The following FOXP2 variants were observed in gnomAD, a reference collection of about 807,000 sequenced individuals.
The protein encoded by FOXP2 is forkhead box P2, also known as forkhead box protein P2.
A neutral mutation model predicts 115.8 loss-of-function variants in FOXP2; 12 were observed. The observed-to-expected ratio is 0.10, with a 90% CI of 0.07 to 0.17. The LOEUF (loss-of-function observed/expected upper bound fraction) is 0.17. FOXP2 is among the 10% of genes least tolerant of loss of function. The probability of loss-of-function intolerance (pLI) is 1.00; values close to 1 mark genes in which losing one functional copy is unlikely to be tolerated. For missense variants in FOXP2, 629 were observed against 843.5 expected (o/e 0.75, Z 3.15); for synonymous variants, 328 against 297.7 (o/e 1.10, Z -1.05).
At chr7:114,164,586 C>T (rs548292413) in intron 1 of FOXP2, among the ~76,000 whole-genome samples, 10 of 152,040 alleles carry the variant, frequency 6.6e-5, no homozygotes, top group East Asian at 5.8e-4. Context: ...GTGATCCGCC[C>T]GCCTCAGCCT....
chr7:114,462,691 A>G (rs1795632955), intron 2 of FOXP2, among the ~76,000 whole-genome samples: 1 of 152,118 alleles, frequency 6.6e-6, no homozygotes, highest in Non-Finnish European at 1.5e-5. Context: ...GTATCTTTTC[A>G]CATCATAGTC....
At chr7:114,573,939 A>G (rs1022299999) in intron 3 of FOXP2, among the ~76,000 whole-genome samples, 4 of 151,770 alleles carry the variant, frequency 2.6e-5, no homozygotes, top group African/African-American at 7.2e-5. Flanking sequence ...AATTGTATCA[A>G]TTTACTAGCA....
At chr7:114,457,340 A>C (rs1795354063) in intron 2 of FOXP2, among the ~76,000 whole-genome samples, 1 of 152,134 alleles carries the variant, frequency 6.6e-6, no homozygotes, top group Non-Finnish European at 1.5e-5. Flanking sequence ...ATTTCTTTAA[A>C]ATTTAACCAT....
At chr7:114,222,024 A>G (rs1347771897) in intron 1 of FOXP2, among the ~76,000 whole-genome samples, 3 of 152,160 alleles carry the variant, frequency 2.0e-5, no homozygotes, top group Non-Finnish European at 4.4e-5. Context: ...CTGCTTACCC[A>G]TGTGTACCAG....
At chr7:114,269,042 T>G (rs1034599537) in intron 1 of FOXP2, among the ~76,000 whole-genome samples, 47 of 152,324 alleles carry the variant, frequency 3.1e-4, no homozygotes, top group Admixed American at 1.5e-3. Context: ...GACATTTTCT[T>G]TGTTTCACCT....
chr7:114,585,440 A>G (rs540108559), intron 3 of FOXP2, among the ~76,000 whole-genome samples: 2 of 152,254 alleles, frequency 1.3e-5, no homozygotes, highest in South Asian at 2.1e-4. Flanking sequence ...TCCTGGGAAT[A>G]TCTTAGAAAT....
chr7:114,245,050 C>T (rs1562833452), intron 1 of FOXP2, among the ~76,000 whole-genome samples: 1 of 152,224 alleles, frequency 6.6e-6, no homozygotes, highest in African/African-American at 2.4e-5. Flanking sequence ...GCGCGAGCCA[C>T]CGCGCCCGGC....
intron 2 of FOXP2, chr7:114,498,779 T>A (rs1797435533): frequency 1.4e-6 from 1 of 705,948 alleles, no homozygotes; most frequent in African/African-American, 1.8e-5. Flanking sequence ...ATAGGCATAC[T>A]TTGCAAATAA....
At chr7:114,456,548 C>T (rs1218070430) in intron 2 of FOXP2, among the ~76,000 whole-genome samples, 1 of 152,118 alleles carries the variant, frequency 6.6e-6, no homozygotes, top group East Asian at 1.9e-4. Flanking sequence ...AAGTGGGTGT[C>T]TTGGATTTAA....
chr7:114,649,530 T>C (rs1378531373), intron 8 of FOXP2, among the ~76,000 whole-genome samples: 1 of 152,108 alleles, frequency 6.6e-6, no homozygotes, highest in Non-Finnish European at 1.5e-5. Context: ...ATGTAGTACC[T>C]GAGATAGTTA....
intron 2 of FOXP2, among the ~76,000 whole-genome samples, chr7:114,403,438 A>G (rs1161245714): frequency 6.6e-6 from 1 of 152,232 alleles, no homozygotes; most frequent in African/African-American, 2.4e-5. Context: ...CACGAGGTTT[A>G]ATAGTTAACT....
At chr7:114,663,650 A>AG in intron 15 of FOXP2, 131 bp downstream of exon 15, 6 of 731,612 alleles carry the variant, frequency 8.2e-6, no homozygotes, top group Non-Finnish European at 1.4e-5. Flanking sequence ...TGTAGTACCT[A>AG]GTACTATAGA....
chr7:114,684,622 G>A (rs1190837222), intron 16 of FOXP2, among the ~76,000 whole-genome samples: 1 of 152,142 alleles, frequency 6.6e-6, no homozygotes, highest in East Asian at 1.9e-4. Context: ...TTAACCTTAG[G>A]AGTTTATTCT....
intron 1 of FOXP2, among the ~76,000 whole-genome samples, chr7:114,274,933 G>C (rs1004711690): frequency 6.6e-6 from 1 of 151,956 alleles, no homozygotes; most frequent in South Asian, 2.1e-4. Context: ...GGGATTGCAG[G>C]CTACCATGCT....
intron 2 of FOXP2, among the ~76,000 whole-genome samples, chr7:114,304,842 G>C (rs1194217651): frequency 6.6e-6 from 1 of 151,854 alleles, no homozygotes; most frequent in East Asian, 1.9e-4. Context: ...AAAATGGTTT[G>C]AAATGTTTCT....
At chr7:114,564,198 A>G (rs1418149820) in intron 3 of FOXP2, among the ~76,000 whole-genome samples, 1 of 152,114 alleles carries the variant, frequency 6.6e-6, no homozygotes, top group Non-Finnish European at 1.5e-5. Context: ...CAAAACTATC[A>G]CATATTGTCG....
intron 1 of FOXP2, among the ~76,000 whole-genome samples, chr7:114,140,164 C>T (rs1792166096): frequency 2.6e-5 from 4 of 152,040 alleles, no homozygotes. Context: ...ATGTGCAATC[C>T]TGCAGACTTT....
intron 1 of FOXP2, among the ~76,000 whole-genome samples, chr7:114,186,887 A>T (rs1793620929): frequency 6.6e-6 from 1 of 152,164 alleles, no homozygotes; most frequent in East Asian, 1.9e-4. Context: ...TGACTCGGGG[A>T]GCCGAGAGAT....
intron 1 of FOXP2, among the ~76,000 whole-genome samples, chr7:114,194,009 C>T (rs905664055): frequency 1.5e-5 from 2 of 130,334 alleles, no homozygotes; most frequent in African/African-American, 5.0e-5. Context: ...GCACTTTTTA[C>T]TAAGCCTTGC....
Sources: allele counts gnomAD v4.1 joint callset (sites outside exome capture counted in the v4.1 genomes callset), GRCh38; gene constraint gnomAD v4.1.1; transcripts MANE v1.5; gene names NCBI Gene and HGNC (gene_info 2026-07-23, HGNC 2026-07-21).